TXNRD3: variants seen among roughly 807,000 people sequenced by gnomAD.
TXNRD3 encodes TXNRD3 neighbor gene protein.
In TXNRD3, 68 loss-of-function variants were observed where a neutral mutation model predicts 78.2. The observed-to-expected ratio is 0.87, with a 90% confidence interval of 0.72 to 1.06. The LOEUF (loss-of-function observed/expected upper bound fraction) is 1.06. Among genes scored for constraint, TXNRD3 ranks in the 50% least tolerant of loss-of-function variants. The pLI is 0.00. For missense variants in TXNRD3, 751 were observed against 809.5 expected (o/e 0.93, Z 0.88); for synonymous variants, 296 against 300.1 (o/e 0.99, Z 0.14).
At chr3:126,625,297 C>A (rs1365542773) in intron 10 of TXNRD3, 1 of 89,020 alleles carries the variant, frequency 1.1e-5, no homozygotes, top group African/African-American at 4.6e-5. Flanking sequence ...TAATGCTATC[C>A]CTCCCCCCTC....
At chr3:126,608,023 T>A (rs756390891) in intron 15 of TXNRD3, 50 bp from the exon 16 acceptor site, 6 of 1,301,424 alleles carry the variant, frequency 4.6e-6, no homozygotes, top group Non-Finnish European at 6.3e-6. Context: ...AGTATTGTTT[T>A]AAAAAAACAC....
At chr3:126,621,629 A>G (rs1041033286) in intron 12 of TXNRD3, 113 bp downstream of exon 12, 15 of 1,036,250 alleles carry the variant, frequency 1.4e-5, no homozygotes, top group Non-Finnish European at 2.0e-5. Flanking sequence ...ACTGCAAATT[A>G]TATCTCTGAG....
chr3:126,627,482 T>G (rs2107617279), intron 10 of TXNRD3, among the ~76,000 whole-genome samples: 1 of 152,352 alleles, frequency 6.6e-6, no homozygotes, highest in Non-Finnish European at 1.5e-5. Flanking sequence ...TACATGAACG[T>G]GGACATCTGT....
intron 3 of TXNRD3, among the ~76,000 whole-genome samples, 178 bp downstream of exon 3, chr3:126,645,933 G>C (rs1035452950): frequency 3.3e-5 from 5 of 152,166 alleles, no homozygotes; most frequent in African/African-American, 1.2e-4. Context: ...TGAAGTTCAG[G>C]CTGGCAGAAA....
At position 126,633,962 on chromosome 3, in the gene TXNRD3, C is replaced by T; in HGVS notation, c.802G>A (p.Ala268Thr). 2 of 1,520,860 alleles carry T rather than the reference C, an allele frequency of 1.3e-6. No individual in the cohort carries two copies. The highest frequency in any genetic ancestry group is 1.8e-6 in the Non-Finnish European group (2 of 1,137,958). The allele number at this position is 1,520,860 out of a possible 1,614,324, so 94.2% of individuals were successfully genotyped here. Residue 268 changes from alanine to threonine, a missense_variant, in exon 7 of 16, where the codon GCT becomes ACT. Ala to Thr is a moderately conservative substitution (Grantham distance 58). Transcript: ENST00000524230. ...CCATAGGAATTGACATAGGCCACAGCCTTTTCCCTCAGAGACAACCTGTAG... is the reference window on the plus strand; with the variant it reads ...CCATAGGAATTGACATAGGCCACAGTCTTTTCCCTCAGAGACAACCTGTAG...
At chr3:126,654,296 C>A (rs1933456924) in intron 1 of TXNRD3, among the ~76,000 whole-genome samples, 1 of 152,144 alleles carries the variant, frequency 6.6e-6, no homozygotes, top group South Asian at 2.1e-4. Flanking sequence ...GAAGTAAATT[C>A]CTAAACGTTG....
chr3:126,646,309 C>T (rs1933232787), intron 2 of TXNRD3, 89 bp from the exon 3 acceptor site: 1 of 1,039,264 alleles, frequency 9.6e-7, no homozygotes, highest in South Asian at 1.8e-5. Flanking sequence ...CTCAAATGTT[C>T]ACATGTACAT....
rs565823091 is a variant in TXNRD3 at position 126,608,060 on chromosome 3, C to T, written c.1864-87G>A. 1.0e-4 allele frequency: 108 copies of T among 1,049,162 alleles called. No individual in the cohort carries two copies. In the East Asian group the frequency reaches 3.0e-3, roughly 29 times the overall value. 65.0% of individuals were successfully genotyped at this position (1,049,162 alleles called of 1,614,324 possible). ...TTCTGAATATTATATTTATGCTATT[C>T]TTTAAAATATACAAATCTGGCCAGG... On this transcript the variant is annotated intron_variant, in intron 15 of 15. Transcript: ENST00000524230.
Position 126,655,093 on chromosome 3 carries a change from G to T in TXNRD3, c.-103C>A. 1 of 1,301,278 alleles carries T rather than the reference G, an allele frequency of 7.7e-7. No homozygotes were observed. Among genetic ancestry groups the T allele is most frequent in the Non-Finnish European group, 9.8e-7 (1 of 1,024,404 alleles). The allele number at this position is 1,301,278 out of a possible 1,614,324, so 80.6% of individuals were successfully genotyped here. A position where few individuals can be genotyped will look rare whatever the true frequency, so the allele number is the denominator to read the frequency against. ...CTGAGGGGCGGCGAACGCTGCCCTC[G>T]CTGGCCACTCTCACCACCCGCGCGA... On this transcript the variant is annotated 5_prime_UTR_variant, in exon 1 of 16. Coordinates refer to ENST00000524230, the MANE Select transcript of TXNRD3 (RefSeq NM_052883.3).
chr3:126,647,068 A>C (rs1367458615), intron 2 of TXNRD3, among the ~76,000 whole-genome samples, 168 bp downstream of exon 2: 1 of 152,198 alleles, frequency 6.6e-6, no homozygotes, highest in Admixed American at 6.5e-5. Flanking sequence ...AAACTACACC[A>C]ATTTATCTGC....
intron 2 of TXNRD3, 76 bp from the exon 3 acceptor site, chr3:126,646,296 A>G: frequency 8.3e-7 from 1 of 1,205,798 alleles, no homozygotes. Context: ...AAGTGTTACA[A>G]CACTCAAATG....
At chr3:126,641,283 C>G (rs1349697375) in intron 6 of TXNRD3, among the ~76,000 whole-genome samples, 1 of 152,104 alleles carries the variant, frequency 6.6e-6, no homozygotes, top group Non-Finnish European at 1.5e-5. Flanking sequence ...GTGGCTCATG[C>G]TCCTCTCCTG....
chr3:126,614,859 G>A (rs1382113577), intron 13 of TXNRD3, among the ~76,000 whole-genome samples: 1 of 152,086 alleles, frequency 6.6e-6, no homozygotes, highest in Non-Finnish European at 1.5e-5. Context: ...GCAGAAAAAA[G>A]CCAATCAAAC....
At chr3:126,622,010 C>T (rs1042633854) in intron 11 of TXNRD3, 112 bp from the exon 12 acceptor site, 12 of 841,252 alleles carry the variant, frequency 1.4e-5, no homozygotes, top group Middle Eastern at 3.6e-4. Flanking sequence ...TTAAAATTCA[C>T]GCACCTCAGG....
chr3:126,634,914 G>A (rs926022019), intron 6 of TXNRD3, among the ~76,000 whole-genome samples: 4 of 152,172 alleles, frequency 2.6e-5, no homozygotes, highest in Non-Finnish European at 4.4e-5. Context: ...AAAGGGAGTC[G>A]ACTGGAGGGG....
chr3:126,619,397 ATCAT>A (rs1368521685), intron 12 of TXNRD3, among the ~76,000 whole-genome samples: 1 of 152,224 alleles, frequency 6.6e-6, no homozygotes, highest in African/African-American at 2.4e-5. Context: ...ATAAAATCTG[ATCAT>A]TCATAGCAAC....
intron 5 of TXNRD3, 46 bp downstream of exon 5, chr3:126,643,935 A>G (rs1474333773): frequency 1.4e-6 from 2 of 1,471,336 alleles, no homozygotes; most frequent in African/African-American, 1.4e-5. Flanking sequence ...TAAAGCAAAC[A>G]ACATATGTAA....
chr3:126,648,178 G>C (rs1026965525), intron 1 of TXNRD3, among the ~76,000 whole-genome samples: 2 of 152,242 alleles, frequency 1.3e-5, no homozygotes, highest in East Asian at 3.9e-4. Flanking sequence ...GAAAGCAAAA[G>C]ACTTGGATGC....
At chr3:126,631,955 C>T in intron 7 of TXNRD3, 76 bp from the exon 8 acceptor site, 1 of 880,430 alleles carries the variant, frequency 1.1e-6, no homozygotes, top group Non-Finnish European at 1.8e-6. Flanking sequence ...TAGTTACTAC[C>T]CTCATGGAGC....
Sources: allele counts gnomAD v4.1 joint callset (sites outside exome capture counted in the v4.1 genomes callset), GRCh38; gene constraint gnomAD v4.1.1; transcripts MANE v1.5; gene names NCBI Gene and HGNC (gene_info 2026-07-23, HGNC 2026-07-21).